The following ORC4 variants were observed in gnomAD, a reference collection of about 807,000 sequenced individuals.
The protein encoded by ORC4 is origin recognition complex subunit 4, also known as origin recognition complex, subunit 4 homolog.
A neutral mutation model predicts 63.9 loss-of-function variants in ORC4; 55 were observed. The ratio of observed to expected loss-of-function variants is 0.86; its 90% CI spans 0.69 to 1.08. The LOEUF (loss-of-function observed/expected upper bound fraction) is 1.08, where lower values mean the gene tolerates loss of function less well. Ranked by LOEUF, ORC4 falls within the 50% of genes least tolerant of loss-of-function variation. The pLI, the probability that ORC4 is intolerant of heterozygous loss-of-function variation, is 0.00. For missense variants in ORC4, 511 were observed against 504.4 expected (o/e 1.01, Z -0.13); for synonymous variants, 150 against 168.5 (o/e 0.89, Z 0.85).
At chr2:147,977,201 G>A (rs1302064066) in intron 1 of ORC4, among the ~76,000 whole-genome samples, 1 of 152,196 alleles carries the variant, frequency 6.6e-6, no homozygotes, top group Non-Finnish European at 1.5e-5. Context: ...AAATGGAAGA[G>A]CCAGGATTTG....
At chr2:147,953,379 A>C (rs1689069605) in intron 7 of ORC4, among the ~76,000 whole-genome samples, 1 of 152,168 alleles carries the variant, frequency 6.6e-6, no homozygotes, top group Non-Finnish European at 1.5e-5. Flanking sequence ...AAAATCATTT[A>C]AATGACTAAA....
At chr2:147,982,176 G>A (rs2105372104) in intron 1 of ORC4, 1 of 152,166 alleles carries the variant, frequency 6.6e-6, no homozygotes, top group East Asian at 1.9e-4. Flanking sequence ...AGCTGTCTTA[G>A]GATACCTTCT....
intron 1 of ORC4, among the ~76,000 whole-genome samples, chr2:147,987,131 C>T (rs1380593398): frequency 6.6e-6 from 1 of 150,718 alleles, no homozygotes; most frequent in African/African-American, 2.4e-5. Flanking sequence ...TCCTAAGTAG[C>T]TGGGTCAACA....
intron 1 of ORC4, among the ~76,000 whole-genome samples, chr2:147,997,570 TTAATA>T (rs1482625204): frequency 1.8e-4 from 28 of 152,260 alleles, no homozygotes; most frequent in African/African-American, 6.3e-4. Flanking sequence ...TTGTAAGTAT[TTAATA>T]TAATGAAAAC....
At chr2:148,005,013 C>A (rs1332060108) in intron 1 of ORC4, among the ~76,000 whole-genome samples, 1 of 152,168 alleles carries the variant, frequency 6.6e-6, no homozygotes, top group Admixed American at 6.5e-5. Context: ...CCTCAAGGAT[C>A]TAGAACCAGA....
At chr2:147,948,923 A>C (rs1239116357) in intron 8 of ORC4, among the ~76,000 whole-genome samples, 1 of 150,258 alleles carries the variant, frequency 6.7e-6, no homozygotes, top group Non-Finnish European at 1.5e-5. Context: ...CATATATTGC[A>C]GGAACTGTCA....
chr2:148,007,311 T>A (rs1325837686), intron 1 of ORC4, among the ~76,000 whole-genome samples: 1 of 152,140 alleles, frequency 6.6e-6, no homozygotes, highest in Non-Finnish European at 1.5e-5. Context: ...AGATGGGAAA[T>A]TCAAAATAGC....
At chr2:147,942,517 C>T (rs1345114661) in intron 10 of ORC4, among the ~76,000 whole-genome samples, 2 of 151,898 alleles carry the variant, frequency 1.3e-5, no homozygotes, top group Admixed American at 6.6e-5. Context: ...GCGAAACGAT[C>T]GAGAATAAGC....
intron 1 of ORC4, among the ~76,000 whole-genome samples, chr2:147,982,761 T>C (rs886981718): frequency 2.6e-5 from 4 of 152,288 alleles, no homozygotes; most frequent in Admixed American, 2.6e-4. Flanking sequence ...ATCTACTATA[T>C]AATAAAGAAT....
At chr2:148,010,849 T>C (rs1692920642) in intron 1 of ORC4, among the ~76,000 whole-genome samples, 1 of 46,246 alleles carries the variant, frequency 2.2e-5, no homozygotes, top group Admixed American at 2.5e-4. Context: ...AGATTTATTC[T>C]TTTTTTTTTT....
chr2:147,941,654 C>T (rs983338602), intron 10 of ORC4, among the ~76,000 whole-genome samples: 2 of 151,732 alleles, frequency 1.3e-5, no homozygotes, highest in Non-Finnish European at 2.9e-5. Context: ...TGACAAAAAA[C>T]AAGCCATTAT....
At chr2:147,950,151 G>A (rs1269386301) in intron 8 of ORC4, among the ~76,000 whole-genome samples, 1 of 152,122 alleles carries the variant, frequency 6.6e-6, no homozygotes, top group East Asian at 1.9e-4. Context: ...TATATTCAGA[G>A]ATTCAGATAT....
intron 4 of ORC4, among the ~76,000 whole-genome samples, chr2:147,961,091 AAAAC>A (rs1309677319): frequency 2.0e-5 from 3 of 152,282 alleles, no homozygotes; most frequent in East Asian, 1.9e-4. Context: ...ATTAGGGGTT[AAAAC>A]AAACAAACAT....
At position 147,952,477 on chromosome 2, in the gene ORC4, C is replaced by A. The variant is rs761661050; in HGVS notation, c.484G>T (p.Asp162Tyr). The A allele has an allele frequency of 6.2e-7, 1 of 1,611,198 alleles. No homozygotes were observed. Among genetic ancestry groups the A allele is most frequent in the South Asian group, 1.1e-5 (1 of 90,992 alleles). ...TGGTTTTTATGATGAGCAAAAAGATCAAATTCATCTAATATGAAGATCACT... is the reference window on the plus strand; with the variant it reads ...TGGTTTTTATGATGAGCAAAAAGATAAAATTCATCTAATATGAAGATCACT... The part of the protein sequence containing the change: ...CPVIFILDEF[D>Y]LFAHHKNQTL... The change falls in exon 8 of 14, where the codon GAT (aspartate) becomes TAT (tyrosine). Residue 162 changes from aspartate to tyrosine, a missense_variant. Asp to Tyr is a radical substitution (Grantham distance 160). Coordinates refer to ENST00000392857, the MANE Select transcript of ORC4 (RefSeq NM_181741.4).
chr2:147,935,721 T>C (rs774435171), intron 13 of ORC4, 23 bp from the exon 14 acceptor site: 18 of 1,586,560 alleles, frequency 1.1e-5, no homozygotes, highest in Middle Eastern at 2.3e-4. Flanking sequence ...AGAAATAGTT[T>C]AGGTTGAATA....
At chr2:147,986,400 C>G (rs1691202791) in intron 1 of ORC4, among the ~76,000 whole-genome samples, 1 of 152,064 alleles carries the variant, frequency 6.6e-6, no homozygotes, top group Non-Finnish European at 1.5e-5. Flanking sequence ...ATAAAATCTC[C>G]TAAACTCTCA....
intron 4 of ORC4, among the ~76,000 whole-genome samples, chr2:147,962,047 G>T (rs1330356931): frequency 6.6e-6 from 1 of 152,152 alleles, no homozygotes; most frequent in East Asian, 1.9e-4. Flanking sequence ...GAGAGTACTG[G>T]AGTGCAGCAG....
chr2:147,963,980 CTG>C (rs1260215247), intron 4 of ORC4, among the ~76,000 whole-genome samples: 1 of 152,122 alleles, frequency 6.6e-6, no homozygotes, highest in Admixed American at 6.5e-5. Flanking sequence ...GAGATCAATT[CTG>C]TAAGATTGGA....
chr2:147,955,503 T>C (rs1689198891), intron 6 of ORC4, 108 bp from the exon 7 acceptor site: 5 of 763,688 alleles, frequency 6.5e-6, no homozygotes, highest in Admixed American at 2.2e-5. Context: ...CTTCTAGTTA[T>C]TAGAGTCATT....
Sources: gnomAD v4.1 joint callset for allele counts (sites outside exome capture counted in the v4.1 genomes callset) on GRCh38, gnomAD v4.1.1 for gene constraint, MANE v1.5 for transcripts, NCBI Gene and HGNC (gene_info 2026-07-23, HGNC 2026-07-21) for gene names.